Variants in ABTB2 observed in about 807,000 individuals in gnomAD.
ABTB2 encodes ankyrin repeat and BTB/POZ domain-containing protein 2.
In ABTB2, 56 loss-of-function variants were observed where a neutral mutation model predicts 104.1. That is an observed-to-expected ratio of 0.54 (90% CI 0.43 to 0.67). ABTB2 has a LOEUF of 0.67. Ranked by LOEUF, ABTB2 falls within the 30% of genes least tolerant of loss-of-function variation. The pLI is 0.00. For synonymous variants in ABTB2, 606 were observed against 608.2 expected, an observed-to-expected ratio of 1.00 and a Z score of 0.05; for missense variants, 1,279 against 1,407.7, an observed-to-expected ratio of 0.91 and a Z score of 1.46.
In ABTB2 at chr11:34,168,959, TCTC is replaced by T. The variant is rs369103644; in HGVS notation, c.1564-970_1564-968del. On this transcript the variant is annotated intron_variant, in intron 5 of 16. Coordinates refer to ENST00000435224, the MANE Select transcript of ABTB2 (RefSeq NM_145804.3). ...TTAGGATATTTGTGTGTAGACAAGATCTCCTTACCTCATAAATCCTTGCCTAGT... is the reference window on the plus strand; with the variant it reads ...TTAGGATATTTGTGTGTAGACAAGATCTTACCTCATAAATCCTTGCCTAGT... 1.1e-4 allele frequency among the ~76,000 whole-genome samples: 16 copies of T among 152,336 alleles called. No homozygotes were observed. The East Asian group carries it at 2.9e-3, about 28-fold the overall frequency.
intron 1 of ABTB2, among the ~76,000 whole-genome samples, chr11:34,239,819 C>T (rs1377730058): frequency 6.6e-6 from 1 of 152,182 alleles, no homozygotes; most frequent in East Asian, 1.9e-4. Context: ...CTGCCCCTCC[C>T]CCACCTCTTG....
At chr11:34,322,493 T>C (rs762363707) in intron 1 of ABTB2, among the ~76,000 whole-genome samples, 11 of 152,194 alleles carry the variant, frequency 7.2e-5, no homozygotes, top group South Asian at 2.1e-4. Context: ...GACAATCACT[T>C]GAACCTGGGT....
At chr11:34,153,540 T>C (rs1008744527) in intron 16 of ABTB2, among the ~76,000 whole-genome samples, 10 of 152,190 alleles carry the variant, frequency 6.6e-5, no homozygotes, top group Non-Finnish European at 1.5e-4. Flanking sequence ...AGCTAGTTTG[T>C]AGAGGCAGGT....
At chr11:34,351,710 A>C (rs1279835629) in intron 1 of ABTB2, among the ~76,000 whole-genome samples, 1 of 152,218 alleles carries the variant, frequency 6.6e-6, no homozygotes, top group Non-Finnish European at 1.5e-5. Flanking sequence ...CATGAGAGGT[A>C]CAGGGAAGAC....
chr11:34,230,097 G>A (rs1423286253), intron 1 of ABTB2, among the ~76,000 whole-genome samples: 2 of 152,208 alleles, frequency 1.3e-5, no homozygotes, highest in African/African-American at 4.8e-5. Flanking sequence ...CTCCTGGGAA[G>A]CCTGTAGGTG....
rs570698144 is a variant in ABTB2 at position 34,162,985 on chromosome 11, C to T, written c.1989-180G>A. On this transcript the variant is annotated intron_variant, in intron 9 of 16. Coordinates refer to ENST00000435224, the MANE Select transcript of ABTB2 (RefSeq NM_145804.3). ...TCCCAGGGTCACCAATCCCCATATA[C>T]CTCTGAGAGGCAGGGCAGGGTGCAG... Among the ~76,000 whole-genome samples the T allele has an allele frequency of 2.6e-5, 4 of 152,278 alleles. No individual in the cohort carries two copies. The East Asian group carries it at 7.7e-4, about 29-fold the overall frequency.
chr11:34,197,620 G>A, intron 2 of ABTB2, 82 bp from the exon 3 acceptor site: 2 of 1,020,280 alleles, frequency 2.0e-6, no homozygotes, highest in Non-Finnish European at 2.8e-6. Context: ...ATTCTTCCAA[G>A]GATGTTCCTG....
chr11:34,352,109 T>C (rs1210500619), intron 1 of ABTB2, among the ~76,000 whole-genome samples: 1 of 152,122 alleles, frequency 6.6e-6, no homozygotes, highest in Non-Finnish European at 1.5e-5. Context: ...TTCAGTTGCT[T>C]CTCTCAGTAG....
chr11:34,297,539 C>G (rs1854635728), intron 1 of ABTB2, among the ~76,000 whole-genome samples: 1 of 152,070 alleles, frequency 6.6e-6, no homozygotes, highest in African/African-American at 2.4e-5. Context: ...CACCTGTAAT[C>G]CCAGCACTTT....
chr11:34,237,337 G>A (rs182200613), intron 1 of ABTB2, among the ~76,000 whole-genome samples: 3 of 148,756 alleles, frequency 2.0e-5, no homozygotes. Flanking sequence ...CTGGGCAGTG[G>A]CGCCATCTCA....
chr11:34,317,549 G>A (rs1854948679), intron 1 of ABTB2, among the ~76,000 whole-genome samples: 1 of 152,172 alleles, frequency 6.6e-6, no homozygotes, highest in East Asian at 1.9e-4. Flanking sequence ...GAAGCAGGAG[G>A]ATCGCTTCAG....
intron 1 of ABTB2, among the ~76,000 whole-genome samples, chr11:34,247,610 A>G (rs1265227836): frequency 2.0e-5 from 3 of 152,246 alleles, no homozygotes; most frequent in Non-Finnish European, 2.9e-5. Flanking sequence ...TTATCTGGAC[A>G]TAACCCCATC....
At chr11:34,343,632 A>C (rs1405441300) in intron 1 of ABTB2, among the ~76,000 whole-genome samples, 71 of 134,416 alleles carry the variant, frequency 5.3e-4, no homozygotes, top group Middle Eastern at 3.8e-3. Flanking sequence ...CTGCCACCAC[A>C]CCGCCTCATT....
intron 16 of ABTB2, among the ~76,000 whole-genome samples, chr11:34,152,920 A>G (rs919192984): frequency 3.9e-5 from 6 of 152,182 alleles, no homozygotes; most frequent in African/African-American, 1.4e-4. Context: ...GACTGTGCAC[A>G]TGGTAAATGC....
intron 3 of ABTB2, among the ~76,000 whole-genome samples, chr11:34,193,984 C>T (rs1853215842): frequency 6.6e-6 from 1 of 152,216 alleles, no homozygotes; most frequent in Admixed American, 6.5e-5. Flanking sequence ...AAGTCCCCAC[C>T]AAACACTGCA....
At chr11:34,250,380 A>C (rs552524885) in intron 1 of ABTB2, among the ~76,000 whole-genome samples, 2 of 152,226 alleles carry the variant, frequency 1.3e-5, no homozygotes, top group African/African-American at 4.8e-5. Flanking sequence ...GATGTCTGGC[A>C]TGTAGTGCAT....
intron 1 of ABTB2, among the ~76,000 whole-genome samples, chr11:34,302,253 A>C (rs905787396): frequency 6.6e-6 from 1 of 152,214 alleles, no homozygotes; most frequent in African/African-American, 2.4e-5. Flanking sequence ...TTTCCTTCAA[A>C]GATGTAATGT....
chr11:34,193,696 C>G (rs565751108), intron 3 of ABTB2, among the ~76,000 whole-genome samples: 1 of 152,230 alleles, frequency 6.6e-6, no homozygotes, highest in Non-Finnish European at 1.5e-5. Context: ...TTTGTCCTAC[C>G]GGATAGAATT....
intron 1 of ABTB2, among the ~76,000 whole-genome samples, chr11:34,270,296 A>G (rs1043758962): frequency 6.0e-5 from 9 of 150,892 alleles, no homozygotes; most frequent in African/African-American, 2.2e-4. Context: ...TAGCCCACGT[A>G]TCTTTGAAAA....
Sources: allele counts gnomAD v4.1 joint callset (sites outside exome capture counted in the v4.1 genomes callset), GRCh38; gene constraint gnomAD v4.1.1; transcripts MANE v1.5; gene names NCBI Gene and HGNC (gene_info 2026-07-23, HGNC 2026-07-21).